LMBRD2: variants seen among roughly 807,000 people sequenced by gnomAD.
LMBRD2 encodes the protein G protein-coupled receptor-associated protein LMBRD2.
In LMBRD2, 55 loss-of-function variants were observed where a neutral mutation model predicts 94.4. That is an observed-to-expected ratio of 0.58 (90% CI 0.47 to 0.73). The LOEUF (loss-of-function observed/expected upper bound fraction) is 0.73, where lower values mean the gene tolerates loss of function less well. Among genes scored for constraint, LMBRD2 ranks in the 30% least tolerant of loss-of-function variants. The pLI is 0.00. For synonymous variants in LMBRD2, 246 were observed against 272.4 expected, an observed-to-expected ratio of 0.90 and a Z score of 0.95; for missense variants, 640 against 831.9, an observed-to-expected ratio of 0.77 and a Z score of 2.84.
chr5:36,121,124 T>G (rs1436950343), intron 9 of LMBRD2, among the ~76,000 whole-genome samples: 1 of 152,246 alleles, frequency 6.6e-6, no homozygotes, highest in African/African-American at 2.4e-5. Flanking sequence ...AGAATCTTTA[T>G]GCCTTTATAT....
chr5:36,113,173 C>A (rs1743654430), intron 13 of LMBRD2, among the ~76,000 whole-genome samples: 1 of 152,184 alleles, frequency 6.6e-6, no homozygotes, highest in Admixed American at 6.5e-5. Flanking sequence ...CAACCCCTGA[C>A]CTAACTGCTT....
chr5:36,133,115 C>G (rs901342642), intron 6 of LMBRD2, among the ~76,000 whole-genome samples: 1 of 151,996 alleles, frequency 6.6e-6, no homozygotes, highest in Non-Finnish European at 1.5e-5. Flanking sequence ...TTTATTGCAG[C>G]AGTACTCACA....
At position 36,102,538 on chromosome 5, in the gene LMBRD2, AAAGGGATCT is replaced by A. The variant is rs1743368362; in HGVS notation, c.*1499_*1507del. 6.6e-6 allele frequency: 1 copy of A among 151,780 alleles called. No individual in the cohort carries two copies. Among genetic ancestry groups the A allele is most frequent in the Admixed American group, 6.6e-5 (1 of 15,208 alleles). 9.4% of individuals were successfully genotyped at this position (151,780 alleles called of 1,614,324 possible). A position where few individuals can be genotyped will look rare whatever the true frequency, so the allele number is the denominator to read the frequency against. The stretch of plus-strand genomic sequence containing the variant: ...AGTCTATCCACTGATAATTATTTTA[AAAGGGATCT>A]AATTGCAAAGATCATAAAAACTCAA... On this transcript the variant is annotated 3_prime_UTR_variant, in exon 18 of 18. Coordinates refer to ENST00000296603, the MANE Select transcript of LMBRD2 (RefSeq NM_001007527.2).
rs923829805 is a variant in LMBRD2, at chr5:36,098,867, T to C, written c.*5179A>G. 1 of 152,098 alleles carries C rather than the reference T, an allele frequency of 6.6e-6. No homozygotes were observed. Among genetic ancestry groups the C allele is most frequent in the African/African-American group, 2.4e-5 (1 of 41,448 alleles). The allele number at this position is 152,098 out of a possible 1,614,324, so 9.4% of individuals were successfully genotyped here. ...ACCCAATGATCAGATAGTAAAACAT[T>C]TGTCATTACATATCAGGTGGCAATG... On this transcript the variant is annotated 3_prime_UTR_variant, in exon 18 of 18. Transcript: ENST00000296603.
rs1161573908 is a variant in LMBRD2 at position 36,099,757 on chromosome 5, G to A, written c.*4289C>T. ...GTGAAAAAAAGTTAATTTTTCCCAA[G>A]GAGTGTGTAAAAAATAAATGTCTTT... On this transcript the variant is annotated 3_prime_UTR_variant, in exon 18 of 18. Coordinates refer to ENST00000296603, the MANE Select transcript of LMBRD2 (RefSeq NM_001007527.2). The A allele has an allele frequency of 4.6e-5, 7 of 152,098 alleles. No homozygotes were observed. Among genetic ancestry groups the A allele is most frequent in the African/African-American group, 1.7e-4 (7 of 41,416 alleles). 9.4% of individuals were successfully genotyped at this position (152,098 alleles called of 1,614,324 possible). A position where few individuals can be genotyped will look rare whatever the true frequency, so the allele number is the denominator to read the frequency against.
chr5:36,144,883 C>T (rs912925310), intron 1 of LMBRD2, among the ~76,000 whole-genome samples: 1 of 152,150 alleles, frequency 6.6e-6, no homozygotes, highest in Non-Finnish European at 1.5e-5. Context: ...ATTTTCTTCA[C>T]TATTTTTTAT....
intron 3 of LMBRD2, 31 bp downstream of exon 3, chr5:36,142,470 TG>T: frequency 8.0e-7 from 1 of 1,248,256 alleles, no homozygotes; most frequent in Non-Finnish European, 1.2e-6. Flanking sequence ...TCCCCTACAA[TG>T]TTTATATATT....
Position 36,108,604 on chromosome 5 carries a change from A to G in LMBRD2, c.1827T>C (p.Asp609=). The G allele has an allele frequency of 6.3e-7, 1 of 1,592,970 alleles. No individual in the cohort carries two copies. Among genetic ancestry groups the G allele is most frequent in the Non-Finnish European group, 8.6e-7 (1 of 1,165,456 alleles). The change falls in exon 16 of 18, where the codon GAT becomes GAC. Residue 609 remains aspartate (D), a synonymous_variant. Coordinates refer to ENST00000296603, the MANE Select transcript of LMBRD2 (RefSeq NM_001007527.2). ...WKERYGHNRE[D]STRNRNIHTD... The stretch of plus-strand genomic sequence containing the variant: ...TATGAATATTTCTGTTCCTAGTGGA[A>G]TCTTCTCTATTGTGTCCATAACGTT...
intron 6 of LMBRD2, among the ~76,000 whole-genome samples, chr5:36,127,947 G>A (rs963073185): frequency 1.3e-5 from 2 of 152,210 alleles, no homozygotes; most frequent in African/African-American, 2.4e-5. Flanking sequence ...GGCCTTGGGC[G>A]AGACACAGTG....
chr5:36,113,577 T>A lies in LMBRD2; in HGVS notation c.1640+847A>T, dbSNP rs572670942. Among the ~76,000 whole-genome samples the A allele has an allele frequency of 5.9e-5, 9 of 152,288 alleles. No homozygotes were observed. The East Asian group carries it at 1.7e-3, about 29-fold the overall frequency. Reference sequence around the variant, plus strand: ...AATAGAAAATGTATTTTAAACAATATCTGTTTACTCATTACTGTAATGTTA... The same window carrying A: ...AATAGAAAATGTATTTTAAACAATAACTGTTTACTCATTACTGTAATGTTA... On this transcript the variant is annotated intron_variant, in intron 13 of 17. Coordinates refer to ENST00000296603, the MANE Select transcript of LMBRD2 (RefSeq NM_001007527.2).
rs1160719045 is a variant in LMBRD2 at position 36,123,014 on chromosome 5, A to C, written c.823-53T>G. 3 of 1,391,444 alleles carry C rather than the reference A, an allele frequency of 2.2e-6. No homozygotes were observed. The East Asian group carries it at 9.0e-5, about 42-fold the overall frequency. 86.2% of individuals were successfully genotyped at this position (1,391,444 alleles called of 1,614,324 possible). On this transcript the variant is annotated intron_variant, in intron 7 of 17. Transcript: ENST00000296603. ...AAAATCTTAATTGTAAAAAGATAAAAATTTATTTTTATTAAAAATCTTTCA... is the reference window on the plus strand; with the variant it reads ...AAAATCTTAATTGTAAAAAGATAAACATTTATTTTTATTAAAAATCTTTCA...
chr5:36,113,073 C>G (rs1478452400), intron 13 of LMBRD2, among the ~76,000 whole-genome samples: 1 of 152,076 alleles, frequency 6.6e-6, no homozygotes, highest in African/African-American at 2.4e-5. Context: ...CTATTTCTGC[C>G]TCCAAAGAAA....
Position 36,103,965 on chromosome 5 carries a change from A to C in LMBRD2, c.*81T>G, listed in dbSNP as rs1743405312. The C allele has an allele frequency of 5.1e-6, 5 of 979,818 alleles. No individual in the cohort carries two copies. In the South Asian group the frequency reaches 6.9e-5, roughly 14 times the overall value. 60.7% of individuals were successfully genotyped at this position (979,818 alleles called of 1,614,324 possible). A position where few individuals can be genotyped will look rare whatever the true frequency, so the allele number is the denominator to read the frequency against. ...GACACTTTTCACTGTGTATAGAGGA[A>C]ATTCTAGGGTACACAGATGTTCATC... On this transcript the variant is annotated 3_prime_UTR_variant, in exon 18 of 18. Transcript: ENST00000296603.
intron 14 of LMBRD2, among the ~76,000 whole-genome samples, 182 bp from the exon 15 acceptor site, chr5:36,110,173 T>C (rs1743571146): frequency 6.6e-6 from 1 of 152,086 alleles, no homozygotes; most frequent in African/African-American, 2.4e-5. Context: ...ATGCCTTCTC[T>C]ATTTTTGTTG....
intron 4 of LMBRD2, among the ~76,000 whole-genome samples, chr5:36,140,075 C>T (rs1307426973): frequency 1.3e-5 from 2 of 152,362 alleles, no homozygotes; most frequent in South Asian, 2.1e-4. Flanking sequence ...AGGGCTGTGA[C>T]ACCCTCTTTG....
rs200568294 is a variant in LMBRD2, at chr5:36,119,997, TTCTCTTTCTTTCTTTC to T, written c.1121-2097_1121-2082del. Among the ~76,000 whole-genome samples, 1,346 of 145,830 alleles carry T rather than the reference TTCTCTTTCTTTCTTTC, an allele frequency of 9.2e-3. 10 individuals carry two copies. The highest frequency in any genetic ancestry group is 0.014 in the Non-Finnish European group (932 of 67,998). On this transcript the variant is annotated intron_variant, in intron 9 of 17. Transcript: ENST00000296603. ...AAATTCTATGAATTTTTTCTTTTCT[TTCTCTTTCTTTCTTTC>T]TCTCTTTCTTTCTTTTTGTCTTTCT...
At chr5:36,119,709 CCCATGCCACTCT>C (rs1403226421) in intron 9 of LMBRD2, among the ~76,000 whole-genome samples, 1 of 152,172 alleles carries the variant, frequency 6.6e-6, no homozygotes, top group Non-Finnish European at 1.5e-5. Context: ...CCAATCTTCT[CCCATGCCACTCT>C]CCTAGGCAAC....
rs189470504 is a variant in LMBRD2 at position 36,138,685 on chromosome 5, C to T, written c.369-1244G>A. Among the ~76,000 whole-genome samples, 413 of 152,228 alleles carry T rather than the reference C, an allele frequency of 2.7e-3. 4 individuals carry two copies. The highest frequency in any genetic ancestry group is 9.2e-3 in the African/African-American group (382 of 41,540). On this transcript the variant is annotated intron_variant, in intron 4 of 17. Transcript: ENST00000296603. ...AACTAAACACAATCTATGCATTTTT[C>T]GGTACGAACTTATGCTTCAATTTTA... is the stretch of plus-strand genomic sequence containing the variant.
chr5:36,114,546 T>G, intron 12 of LMBRD2, 25 bp from the exon 13 acceptor site: 1 of 1,514,694 alleles, frequency 6.6e-7, no homozygotes, highest in Non-Finnish European at 8.8e-7. Flanking sequence ...AAAAGTAAGT[T>G]AAATTGGAAT....
Sources: gnomAD v4.1 joint callset for allele counts (sites outside exome capture counted in the v4.1 genomes callset) on GRCh38, gnomAD v4.1.1 for gene constraint, MANE v1.5 for transcripts, NCBI Gene and HGNC (gene_info 2026-07-23, HGNC 2026-07-21) for gene names.